PHACTR2: variants seen among roughly 807,000 people sequenced by gnomAD.
The protein encoded by PHACTR2 is phosphatase and actin regulator 2.
A neutral mutation model predicts 76.0 loss-of-function variants in PHACTR2; 30 were observed. The ratio of observed to expected loss-of-function variants is 0.39; its 90% CI spans 0.30 to 0.54. The LOEUF (loss-of-function observed/expected upper bound fraction) is 0.54, where lower values mean the gene tolerates loss of function less well. PHACTR2 is among the 20% of genes least tolerant of loss of function. The probability of loss-of-function intolerance (pLI) is 0.61; values close to 1 mark genes in which losing one functional copy is unlikely to be tolerated. For missense variants in PHACTR2, 696 were observed against 781.1 expected (o/e 0.89, Z 1.30); for synonymous variants, 292 against 292.5 (o/e 1.00, Z 0.02).
At position 143,658,092 on chromosome 6, in the gene PHACTR2, C is replaced by T. The variant is rs563225415; in HGVS notation, c.13+49770C>T. ...TTTGGGGCTATTATGAACAAAGCTG[C>T]TATGAACATTCCTAAACTGGTCTTT... is the stretch of plus-strand genomic sequence containing the variant. On this transcript the variant is annotated intron_variant, in intron 1 of 11. Coordinates refer to the PHACTR2 transcript ENST00000305766. This position sits in a 1 kb window ranked among gnomAD's most constrained non-coding sequence, Gnocchi z 4.1. Among the ~76,000 whole-genome samples, 1 of 152,284 alleles carries T rather than the reference C, an allele frequency of 6.6e-6. No homozygotes were observed. The highest frequency in any genetic ancestry group is 2.1e-4 in the South Asian group (1 of 4,830).
Position 143,767,195 on chromosome 6 carries a change from T to A in PHACTR2, c.1232+1397T>A, listed in dbSNP as rs1779581774. 6.6e-6 allele frequency among the ~76,000 whole-genome samples: 1 copy of A among 152,202 alleles called. No individual in the cohort carries two copies. Among genetic ancestry groups the A allele is most frequent in the Non-Finnish European group, 1.5e-5 (1 of 68,036 alleles). On this transcript the variant is annotated intron_variant, in intron 6 of 12. Coordinates refer to ENST00000440869, the MANE Select transcript of PHACTR2 (RefSeq NM_001100164.2). This position sits in a 1 kb window ranked among gnomAD's most constrained non-coding sequence, Gnocchi z 4.4. ...ACAAGTCTTCCCAAAAGTATCCCTG[T>A]TTTATAGATAAGAAAACTGGCACTG...
intron 1 of PHACTR2, among the ~76,000 whole-genome samples, chr6:143,582,126 G>A (rs35971628): frequency 0.3 from 45,167 of 152,038 alleles, 6,793 homozygotes; most frequent in Middle Eastern, 0.42. Context: ...ACCTGTTTAG[G>A]TCTGTAAATG....
chr6:143,657,610 A>G (rs1776871429), intron 1 of PHACTR2, among the ~76,000 whole-genome samples: 1 of 152,186 alleles, frequency 6.6e-6, no homozygotes, highest in Non-Finnish European at 1.5e-5. Context: ...TTGATAAAGG[A>G]GTTCTCTTAG....
In PHACTR2 at chr6:143,760,359, G is replaced by A. The variant is rs1779406472; in HGVS notation, c.455-42G>A. On this transcript the variant is annotated intron_variant, in intron 4 of 12. Coordinates refer to ENST00000440869, the MANE Select transcript of PHACTR2 (RefSeq NM_001100164.2). The surrounding 1 kb of genome is among the most constrained non-coding windows in gnomAD (Gnocchi z 6.4). Reference sequence around the variant, plus strand: ...CTTGCTCCTTGTGTTTATATGGTGTGTGTCTGTATCAGTCTGCTTCTGTTC... The same window carrying A: ...CTTGCTCCTTGTGTTTATATGGTGTATGTCTGTATCAGTCTGCTTCTGTTC... The A allele has an allele frequency of 6.4e-7, 1 of 1,559,728 alleles. No individual in the cohort carries two copies. The highest frequency in any genetic ancestry group is 8.7e-7 in the Non-Finnish European group (1 of 1,149,232).
In PHACTR2 at chr6:143,709,512, G is replaced by A. The variant is rs574383087; in HGVS notation, c.47-2504G>A. On this transcript the variant is annotated intron_variant, in intron 1 of 12. Transcript: ENST00000440869. This position sits in a 1 kb window ranked among gnomAD's most constrained non-coding sequence, Gnocchi z 4.4. ...GGAAACTTGGACATTTTTGTATTAT[G>A]TTATGTGACTCTAGATCTTGTTTGA... is the stretch of plus-strand genomic sequence containing the variant. Among the ~76,000 whole-genome samples, 11 of 152,304 alleles carry A rather than the reference G, an allele frequency of 7.2e-5. No individual in the cohort carries two copies. The East Asian group carries it at 2.1e-3, about 29-fold the overall frequency.
Position 143,679,273 on chromosome 6 carries a change from A to G in PHACTR2, c.46+1064A>G, listed in dbSNP as rs1401190424. On this transcript the variant is annotated intron_variant, in intron 1 of 12. Transcript: ENST00000440869. The surrounding 1 kb of genome is among the most constrained non-coding windows in gnomAD (Gnocchi z 4.6). Reference sequence around the variant, plus strand: ...GCACAGCTTCACTCCCTGAGATACCACAAGCTTTGCTGAGGTTTCTGTTAA... The same window carrying G: ...GCACAGCTTCACTCCCTGAGATACCGCAAGCTTTGCTGAGGTTTCTGTTAA... Among the ~76,000 whole-genome samples, 1 of 152,172 alleles carries G rather than the reference A, an allele frequency of 6.6e-6. No individual in the cohort carries two copies. Among genetic ancestry groups the G allele is most frequent in the African/African-American group, 2.4e-5 (1 of 41,430 alleles).
rs1371758333 is a variant in PHACTR2 at position 143,678,635 on chromosome 6, G to A, written c.46+426G>A. 6.6e-6 allele frequency among the ~76,000 whole-genome samples: 1 copy of A among 152,198 alleles called. No homozygotes were observed. The highest frequency in any genetic ancestry group is 1.5e-5 in the Non-Finnish European group (1 of 68,030). ...CTTTCAAGCTTGTCAACTGATTTAT[G>A]GTTTGTTATTCGGAGTAGAAGCGCT... On this transcript the variant is annotated intron_variant, in intron 1 of 12. Transcript: ENST00000440869. This position sits in a 1 kb window ranked among gnomAD's most constrained non-coding sequence, Gnocchi z 6.2.
chr6:143,734,639 T>C (rs1438935807), intron 2 of PHACTR2, among the ~76,000 whole-genome samples: 3 of 152,214 alleles, frequency 2.0e-5, no homozygotes, highest in African/African-American at 7.2e-5. Context: ...GTTAACTTGC[T>C]TTCCCTTTTT....
Position 143,553,118 on chromosome 6 carries a change from A to G in PHACTR2, c.217+15911A>G, listed in dbSNP as rs1322743636. 2.0e-5 allele frequency among the ~76,000 whole-genome samples: 3 copies of G among 152,188 alleles called. No homozygotes were observed. The East Asian group carries it at 5.8e-4, about 29-fold the overall frequency. On this transcript the variant is annotated intron_variant, in intron 1 of 11. Coordinates refer to the PHACTR2 transcript ENST00000367584. This position sits in a 1 kb window ranked among gnomAD's most constrained non-coding sequence, Gnocchi z 4.2. The stretch of plus-strand genomic sequence containing the variant: ...GGCTAAAACCCATGCACCACTCTTG[A>G]CCCATCAACAAGGTTCAGCAAGTAT...
intron 1 of PHACTR2, among the ~76,000 whole-genome samples, chr6:143,552,528 A>G (rs1364607639): frequency 6.6e-6 from 1 of 152,248 alleles, no homozygotes; most frequent in East Asian, 1.9e-4. Context: ...ATAATCTTTC[A>G]TTAACATGAT....
In PHACTR2 at chr6:143,753,202, C is replaced by T. The variant is rs2128470537; in HGVS notation, c.296-552C>T. 6.6e-6 allele frequency among the ~76,000 whole-genome samples: 1 copy of T among 152,054 alleles called. No homozygotes were observed. Among genetic ancestry groups the T allele is most frequent in the Middle Eastern group, 3.4e-3 (1 of 294 alleles). On this transcript the variant is annotated intron_variant, in intron 3 of 12. Transcript: ENST00000440869. The surrounding 1 kb of genome is among the most constrained non-coding windows in gnomAD (Gnocchi z 4.6). ...AAAATAGCCTTGCTATCATGTTTTC[C>T]CTGAACATAGAGTAGCAGTTATATT...
rs1311153231 is a variant in PHACTR2 at position 143,621,097 on chromosome 6, G to A, written c.13+12775G>A. Reference sequence around the variant, plus strand: ...ACCTCCAGGAAAAGAACAAGAGCAGGATCATTAAAGAAGCCTTAGCATTTT... The same window carrying A: ...ACCTCCAGGAAAAGAACAAGAGCAGAATCATTAAAGAAGCCTTAGCATTTT... On this transcript the variant is annotated intron_variant, in intron 1 of 11. Transcript: ENST00000305766. This position sits in a 1 kb window ranked among gnomAD's most constrained non-coding sequence, Gnocchi z 4.1. 1.3e-5 allele frequency among the ~76,000 whole-genome samples: 2 copies of A among 152,210 alleles called. No individual in the cohort carries two copies. The highest frequency in any genetic ancestry group is 3.8e-4 in the East Asian group (2 of 5,196).
chr6:143,770,925 C>CT (rs72471881), intron 6 of PHACTR2, among the ~76,000 whole-genome samples: 2,951 of 119,118 alleles, frequency 0.025, 122 homozygotes, highest in African/African-American at 0.081. Context: ...TTCTTTCTTT[C>CT]TTTTTTTTTT....
chr6:143,612,273 G>A (rs922923044), intron 1 of PHACTR2, among the ~76,000 whole-genome samples: 5 of 152,072 alleles, frequency 3.3e-5, no homozygotes, highest in African/African-American at 1.2e-4. Context: ...CAATAATTAG[G>A]GTAAAGGCCA....
At chr6:143,642,280 T>C (rs1399371271) in intron 1 of PHACTR2, among the ~76,000 whole-genome samples, 1 of 152,260 alleles carries the variant, frequency 6.6e-6, no homozygotes, top group Non-Finnish European at 1.5e-5. Context: ...AGGGAGAAAT[T>C]ATTTATTGTC....
At chr6:143,727,146 T>C (rs1013174472) in intron 2 of PHACTR2, among the ~76,000 whole-genome samples, 5 of 152,204 alleles carry the variant, frequency 3.3e-5, no homozygotes, top group Non-Finnish European at 7.3e-5. Flanking sequence ...ACTGTCATTC[T>C]ACTCTCTACC....
In PHACTR2 at chr6:143,547,183, G is replaced by A. The variant is rs1024805972; in HGVS notation, c.217+9976G>A. Among the ~76,000 whole-genome samples the A allele has an allele frequency of 6.6e-6, 1 of 152,132 alleles. No individual in the cohort carries two copies. Among genetic ancestry groups the A allele is most frequent in the African/African-American group, 2.4e-5 (1 of 41,442 alleles). ...TTAGGCAAAACAGTGTTCAACAAAA[G>A]TTTTGTGACTAAAATATGTGACCCA... On this transcript the variant is annotated intron_variant, in intron 1 of 11. Coordinates refer to the PHACTR2 transcript ENST00000367584. This position sits in a 1 kb window ranked among gnomAD's most constrained non-coding sequence, Gnocchi z 4.2.
At position 143,780,153 on chromosome 6, in the gene PHACTR2, T is replaced by C. The variant is rs1431389565; in HGVS notation, c.1645+2770T>C. Among the ~76,000 whole-genome samples the C allele has an allele frequency of 6.6e-6, 1 of 152,076 alleles. No individual in the cohort carries two copies. Among genetic ancestry groups the C allele is most frequent in the Non-Finnish European group, 1.5e-5 (1 of 68,022 alleles). On this transcript the variant is annotated intron_variant, in intron 9 of 12. Transcript: ENST00000440869. The surrounding 1 kb of genome is among the most constrained non-coding windows in gnomAD (Gnocchi z 4.4). ...TTCCCCAACATTTTATTATGAAAATTTTTAAACATGAAGAAAAGTTGGAGG... is the reference window on the plus strand; with the variant it reads ...TTCCCCAACATTTTATTATGAAAATCTTTAAACATGAAGAAAAGTTGGAGG...
rs1778103188 is a variant in PHACTR2, at chr6:143,708,584, T to G, written c.47-3432T>G. ...AATTTATGGAAAGTTTCAAATGGAT[T>G]TTAATGGAAAACTGATCCACAAGAA... is the stretch of plus-strand genomic sequence containing the variant. On this transcript the variant is annotated intron_variant, in intron 1 of 12. Transcript: ENST00000440869. This position sits in a 1 kb window ranked among gnomAD's most constrained non-coding sequence, Gnocchi z 5.5. Among the ~76,000 whole-genome samples, 7 of 152,198 alleles carry G rather than the reference T, an allele frequency of 4.6e-5. No homozygotes were observed. In the South Asian group the frequency reaches 1.4e-3, roughly 32 times the overall value.
Sources: gnomAD v4.1 joint callset for allele counts (sites outside exome capture counted in the v4.1 genomes callset) on GRCh38, gnomAD v4.1.1 for gene constraint, Gnocchi (gnomAD v3.1) non-coding constraint, MANE v1.5 for transcripts, NCBI Gene and HGNC (gene_info 2026-07-23, HGNC 2026-07-21) for gene names.